Variants in CERT1 observed in about 807,000 individuals in gnomAD.
The protein encoded by CERT1 is ceramide transporter 1.
In CERT1, 31 loss-of-function variants were observed where a neutral mutation model predicts 87.9. The ratio of observed to expected loss-of-function variants is 0.35; its 90% CI spans 0.27 to 0.48. The LOEUF (loss-of-function observed/expected upper bound fraction) is 0.48, where lower values mean the gene tolerates loss of function less well. Among genes scored for constraint, CERT1 ranks in the 20% least tolerant of loss-of-function variants. CERT1 has a pLI of 0.99. For synonymous variants in CERT1, 289 were observed against 250.9 expected (o/e 1.15, Z -1.44); for missense variants, 487 against 758.0 (o/e 0.64, Z 4.20).
chr5:75,496,387 T>A (rs2112444323), intron 2 of CERT1, among the ~76,000 whole-genome samples: 1 of 152,024 alleles, frequency 6.6e-6, no homozygotes. Context: ...GGTAAACTGG[T>A]ACCGCCACTT....
intron 11 of CERT1, among the ~76,000 whole-genome samples, chr5:75,398,162 G>A (rs1762332795): frequency 6.6e-6 from 1 of 152,114 alleles, no homozygotes; most frequent in Non-Finnish European, 1.5e-5. Context: ...GAAAAACGCT[G>A]TACAAGTCAG....
intron 14 of CERT1, among the ~76,000 whole-genome samples, chr5:75,382,761 G>C (rs187638236): frequency 6.6e-6 from 1 of 151,730 alleles, no homozygotes; most frequent in East Asian, 1.9e-4. Flanking sequence ...TGATTACTGA[G>C]AGTAATAAAT....
At chr5:75,479,669 T>C (rs960035138) in intron 2 of CERT1, among the ~76,000 whole-genome samples, 3 of 152,200 alleles carry the variant, frequency 2.0e-5, no homozygotes, top group Non-Finnish European at 4.4e-5. Flanking sequence ...TGTACCACAT[T>C]TTCTTTATCT....
intron 11 of CERT1, among the ~76,000 whole-genome samples, chr5:75,398,330 T>G (rs764315458): frequency 1.3e-5 from 2 of 152,138 alleles, no homozygotes; most frequent in African/African-American, 2.4e-5. Context: ...TGTAGATAAC[T>G]TTTATTAGCT....
At chr5:75,394,943 A>G (rs1245492782) in intron 11 of CERT1, among the ~76,000 whole-genome samples, 2 of 152,206 alleles carry the variant, frequency 1.3e-5, no homozygotes, top group East Asian at 3.8e-4. Context: ...ATGGAATATT[A>G]GTAAACTATT....
At chr5:75,374,805 T>C, downstream of CERT1, 1 of 536,596 alleles carries the variant, frequency 1.9e-6, no homozygotes, top group Non-Finnish European at 3.6e-6. Flanking sequence ...CCAAAGCCCA[T>C]GTAAGGAGCT....
chr5:75,497,175 C>A (rs190651374), intron 2 of CERT1, among the ~76,000 whole-genome samples: 1 of 152,100 alleles, frequency 6.6e-6, no homozygotes, highest in Non-Finnish European at 1.5e-5. Flanking sequence ...AAACATGACA[C>A]GCTACGTATC....
At chr5:75,485,614 G>C (rs13360099) in intron 2 of CERT1, among the ~76,000 whole-genome samples, 18,930 of 151,718 alleles carry the variant, frequency 0.12, 1,295 homozygotes, top group East Asian at 0.23. Context: ...ACAAACCTTT[G>C]ATCAACAACC....
Position 75,400,301 on chromosome 5 carries a change from A to C in CERT1, c.1018-4T>G. 6.3e-7 allele frequency: 1 copy of C among 1,598,372 alleles called. No homozygotes were observed. The highest frequency in any genetic ancestry group is 8.6e-7 in the Non-Finnish European group (1 of 1,166,378). ...ATCTCACCTTTTCACTCTGTGACTA[A>C]AAAAACATATAATATTAAGATGGGA... On this transcript the variant is annotated splice_polypyrimidine_tract_variant and splice_region_variant and intron_variant, in intron 9 of 16. Transcript: ENST00000643780.
chr5:75,486,053 A>C (rs1439321180), intron 2 of CERT1, among the ~76,000 whole-genome samples: 1 of 152,086 alleles, frequency 6.6e-6, no homozygotes, highest in Non-Finnish European at 1.5e-5. Flanking sequence ...ACATCAAACA[A>C]AGAAAATTGC....
chr5:75,445,077 TTC>T (rs1428675287), intron 3 of CERT1, among the ~76,000 whole-genome samples: 2 of 152,204 alleles, frequency 1.3e-5, no homozygotes, highest in Non-Finnish European at 2.9e-5. Context: ...CATCTTTATA[TTC>T]TGTGTGACTA....
intron 6 of CERT1, 40 bp from the exon 7 acceptor site, chr5:75,417,073 G>A: frequency 7.2e-7 from 1 of 1,379,826 alleles, no homozygotes; most frequent in African/African-American, 1.5e-5. Context: ...TCTCTAATGA[G>A]GAAATAATTC....
intron 2 of CERT1, among the ~76,000 whole-genome samples, chr5:75,488,328 C>T (rs1766621447): frequency 6.6e-6 from 1 of 151,906 alleles, no homozygotes; most frequent in Non-Finnish European, 1.5e-5. Context: ...CTACTATGTA[C>T]TCATAATATT....
intron 2 of CERT1, among the ~76,000 whole-genome samples, chr5:75,497,044 G>GA (rs1455556557): frequency 1.3e-5 from 2 of 151,712 alleles, no homozygotes; most frequent in Non-Finnish European, 2.9e-5. Context: ...ATAGATCAAA[G>GA]AAAAAAAGAC....
At chr5:75,431,033 T>A (rs536212184) in intron 3 of CERT1, among the ~76,000 whole-genome samples, 5 of 152,328 alleles carry the variant, frequency 3.3e-5, no homozygotes, top group South Asian at 2.1e-4. Context: ...ACAGACAGAC[T>A]ATCTCAAACA....
chr5:75,372,261 T>C (rs764338065), intron 17 of CERT1: 7 of 152,308 alleles, frequency 4.6e-5, no homozygotes, highest in South Asian at 2.1e-4. Context: ...AGTGCGCATA[T>C]AGAATTTTTT....
chr5:75,459,289 T>A, intron 2 of CERT1, 108 bp from the exon 3 acceptor site: 1 of 634,506 alleles, frequency 1.6e-6, no homozygotes, highest in South Asian at 1.9e-5. Flanking sequence ...GTGGGAGACT[T>A]GTTACTTTTT....
intron 8 of CERT1, chr5:75,410,803 G>A (rs950589580): frequency 6.0e-5 from 20 of 330,636 alleles, no homozygotes; most frequent in Non-Finnish European, 9.1e-5. Flanking sequence ...TAAGCCTTTT[G>A]AAGCCTAAAC....
intron 2 of CERT1, among the ~76,000 whole-genome samples, chr5:75,494,513 G>C (rs916699061): frequency 6.6e-6 from 1 of 152,104 alleles, no homozygotes; most frequent in African/African-American, 2.4e-5. Flanking sequence ...TCCAAGACCA[G>C]ACACCCACGA....
Sources: allele counts gnomAD v4.1 joint callset (sites outside exome capture counted in the v4.1 genomes callset), GRCh38; gene constraint gnomAD v4.1.1; transcripts MANE v1.5; gene names NCBI Gene and HGNC (gene_info 2026-07-23, HGNC 2026-07-21).